Variants in MAGI2 observed in about 807,000 individuals in gnomAD.
MAGI2 encodes the protein membrane associated guanylate kinase, WW and PDZ domain containing 2.
In MAGI2, 35 loss-of-function variants were observed where a neutral mutation model predicts 133.3. The ratio of observed to expected loss-of-function variants is 0.26; its 90% CI spans 0.20 to 0.35. The LOEUF (loss-of-function observed/expected upper bound fraction) is 0.35. Among genes scored for constraint, MAGI2 ranks in the 10% least tolerant of loss-of-function variants. The probability of loss-of-function intolerance (pLI) is 1.00; values close to 1 mark genes in which losing one functional copy is unlikely to be tolerated. For synonymous variants in MAGI2, 729 were observed against 710.6 expected, an observed-to-expected ratio of 1.03 and a Z score of -0.41; for missense variants, 1,636 against 1,863.4, an observed-to-expected ratio of 0.88 and a Z score of 2.25.
At chr7:78,740,522 G>A (rs1431641347) in intron 2 of MAGI2, among the ~76,000 whole-genome samples, 1 of 152,122 alleles carries the variant, frequency 6.6e-6, no homozygotes, top group African/African-American at 2.4e-5. Flanking sequence ...TGTACTGTCT[G>A]ATTGTCTCAT....
chr7:79,040,761 G>A (rs1811586433), intron 1 of MAGI2, among the ~76,000 whole-genome samples: 1 of 152,028 alleles, frequency 6.6e-6, no homozygotes. Flanking sequence ...GTCACCCTGT[G>A]AAGAAGATGC....
At position 78,278,463 on chromosome 7, in the gene MAGI2, AAAG is replaced by A. The variant is rs914473827; in HGVS notation, c.1409-21885_1409-21883del. On this transcript the variant is annotated intron_variant, in intron 9 of 21. Transcript: ENST00000354212. ...TAAGCTCTCTGAAATAATACAAGTT[AAAG>A]AAGAGATTACTACTCAAATATAGAT... Among the ~76,000 whole-genome samples, 16 of 152,310 alleles carry A rather than the reference AAAG, an allele frequency of 1.1e-4. No homozygotes were observed. In the South Asian group the frequency reaches 2.5e-3, roughly 24 times the overall value.
chr7:78,758,534 A>G (rs1824183900), intron 2 of MAGI2, among the ~76,000 whole-genome samples: 2 of 152,232 alleles, frequency 1.3e-5, no homozygotes, highest in Admixed American at 6.5e-5. Flanking sequence ...CAGAAAAATG[A>G]TATATGTATC....
intron 3 of MAGI2, among the ~76,000 whole-genome samples, chr7:78,565,581 A>T (rs984220930): frequency 1.1e-4 from 16 of 144,802 alleles, no homozygotes; most frequent in African/African-American, 3.0e-4. Flanking sequence ...AAATACTTTT[A>T]AAAAAATCAC....
chr7:79,094,566 A>C (rs962461971), intron 1 of MAGI2, among the ~76,000 whole-genome samples: 2 of 152,224 alleles, frequency 1.3e-5, no homozygotes, highest in Non-Finnish European at 2.9e-5. Context: ...GCCCAGGTCC[A>C]TTAATGGAAA....
chr7:78,708,123 C>CAAGGCTT (rs1818831492), intron 2 of MAGI2, among the ~76,000 whole-genome samples: 1 of 152,066 alleles, frequency 6.6e-6, no homozygotes, highest in Non-Finnish European at 1.5e-5. Context: ...TGGGGACTGA[C>CAAGGCTT]AAGGCTTAAA....
chr7:78,655,454 C>CAAAAAAAAAAAAAAAAAAAAAAAAAAA, intron 2 of MAGI2, among the ~76,000 whole-genome samples: 2 of 64,948 alleles, frequency 3.1e-5, no homozygotes, highest in Non-Finnish European at 5.6e-5. Context: ...AAAAAACAAC[C>CAAAAAAAAAAAAAAAAAAAAAAAAAAA]AAAAAAAAAA....
intron 2 of MAGI2, among the ~76,000 whole-genome samples, chr7:78,709,193 C>G (rs1818934479): frequency 6.6e-6 from 1 of 152,098 alleles, no homozygotes; most frequent in Admixed American, 6.6e-5. Context: ...CATACAAAGC[C>G]TCTAATGAGA....
At chr7:79,161,353 C>A (rs575259947) in intron 1 of MAGI2, among the ~76,000 whole-genome samples, 1 of 151,940 alleles carries the variant, frequency 6.6e-6, no homozygotes, top group Non-Finnish European at 1.5e-5. Flanking sequence ...AGTGCATGGC[C>A]CTTTGTGCTG....
intron 2 of MAGI2, among the ~76,000 whole-genome samples, chr7:78,959,770 A>T (rs1443423048): frequency 6.6e-6 from 1 of 152,106 alleles, no homozygotes; most frequent in Non-Finnish European, 1.5e-5. Context: ...GCTATTTCTA[A>T]TTGTTTTAGT....
chr7:79,324,295 T>G (rs1452426710), intron 1 of MAGI2, among the ~76,000 whole-genome samples: 1 of 151,326 alleles, frequency 6.6e-6, no homozygotes. Context: ...GTGCCTAGCA[T>G]GTATTAAATA....
chr7:78,421,551 C>G (rs991466851), intron 6 of MAGI2, among the ~76,000 whole-genome samples: 5 of 152,194 alleles, frequency 3.3e-5, no homozygotes, highest in Admixed American at 2.0e-4. Context: ...TGCTGGCTCA[C>G]GCCTATAATC....
At chr7:78,700,354 A>G (rs1420291691) in intron 2 of MAGI2, among the ~76,000 whole-genome samples, 1 of 152,160 alleles carries the variant, frequency 6.6e-6, no homozygotes, top group Non-Finnish European at 1.5e-5. Flanking sequence ...GATAGTTCAC[A>G]TACTATGCTT....
intron 20 of MAGI2, among the ~76,000 whole-genome samples, chr7:78,104,306 T>G (rs1407700818): frequency 6.6e-6 from 1 of 151,952 alleles, no homozygotes; most frequent in Non-Finnish European, 1.5e-5. Flanking sequence ...CACTGCAAGC[T>G]CCGCCTCCTG....
chr7:78,216,062 G>A (rs1168601637), intron 10 of MAGI2, among the ~76,000 whole-genome samples: 1 of 152,244 alleles, frequency 6.6e-6, no homozygotes, highest in Non-Finnish European at 1.5e-5. Flanking sequence ...TGGAGAAAAT[G>A]TAAGAGTGTC....
intron 9 of MAGI2, among the ~76,000 whole-genome samples, chr7:78,315,466 G>A (rs62463916): frequency 0.025 from 3,839 of 152,196 alleles, 79 homozygotes; most frequent in Non-Finnish European, 0.034. Flanking sequence ...TTCACATTGA[G>A]TTCTTCCTTG....
chr7:78,708,060 A>G (rs936070906), intron 2 of MAGI2, among the ~76,000 whole-genome samples: 1 of 152,136 alleles, frequency 6.6e-6, no homozygotes, highest in Non-Finnish European at 1.5e-5. Flanking sequence ...TATATCTTAC[A>G]TTAAAGCAGA....
At chr7:79,440,855 C>T (rs1325816007) in intron 1 of MAGI2, among the ~76,000 whole-genome samples, 4 of 152,156 alleles carry the variant, frequency 2.6e-5, no homozygotes, top group Non-Finnish European at 5.9e-5. Flanking sequence ...GTAGCTTTTC[C>T]TCATTCTGCT....
At chr7:78,276,572 AT>A (rs1386463703) in intron 9 of MAGI2, among the ~76,000 whole-genome samples, 6 of 151,704 alleles carry the variant, frequency 4.0e-5, no homozygotes, top group Non-Finnish European at 5.9e-5. Context: ...CTCTTTACTA[AT>A]TTTTTTTAAA....
Sources: gnomAD v4.1 joint callset for allele counts (sites outside exome capture counted in the v4.1 genomes callset) on GRCh38, gnomAD v4.1.1 for gene constraint, MANE v1.5 for transcripts, NCBI Gene and HGNC (gene_info 2026-07-23, HGNC 2026-07-21) for gene names.